NOXRED1: variants seen among roughly 807,000 people sequenced by gnomAD.
NOXRED1 encodes NADP dependent oxidoreductase domain containing 1, also known as NADP-dependent oxidoreductase domain-containing protein 1.
Under a neutral mutation model 30.4 loss-of-function variants are expected in NOXRED1, and 20 were observed. The ratio of observed to expected loss-of-function variants is 0.66; its 90% CI spans 0.46 to 0.96. NOXRED1 has a LOEUF of 0.96. Among genes scored for constraint, NOXRED1 ranks in the 40% least tolerant of loss-of-function variants. NOXRED1 has a pLI of 0.00. For synonymous variants in NOXRED1, 155 were observed against 168.0 expected (o/e 0.92, Z 0.60); for missense variants, 374 against 428.0 (o/e 0.87, Z 1.11).
At chr14:77,408,892 A>ATTTTATTTTTTTTTT (rs1894556436) in intron 2 of NOXRED1, among the ~76,000 whole-genome samples, 1 of 68,154 alleles carries the variant, frequency 1.5e-5, no homozygotes, top group African/African-American at 5.1e-5. Flanking sequence ...CTGGTAGTTA[A>ATTTTATTTTTTTTTT]TTTTTTTTTT....
chr14:77,397,494 C>A lies in NOXRED1; in HGVS notation c.906-2689G>T, dbSNP rs148873715. Reference sequence around the variant, plus strand: ...ATATTGTGCTACAGTTTTGCAATATCTATTTCCATTGATGGAAAATGGGTA... The same window carrying A: ...ATATTGTGCTACAGTTTTGCAATATATATTTCCATTGATGGAAAATGGGTA... On this transcript the variant is annotated intron_variant, in intron 5 of 5. Coordinates refer to ENST00000380835, the MANE Select transcript of NOXRED1 (RefSeq NM_001113475.3). 9.2e-5 allele frequency among the ~76,000 whole-genome samples: 14 copies of A among 152,290 alleles called. 1 individual carries two copies. The East Asian group carries it at 2.7e-3, about 29-fold the overall frequency.
At chr14:77,403,526 T>C (rs1894379985) in intron 5 of NOXRED1, among the ~76,000 whole-genome samples, 1 of 151,768 alleles carries the variant, frequency 6.6e-6, no homozygotes, top group South Asian at 2.1e-4. Flanking sequence ...CGTGGTGGTG[T>C]GTGCCTGTAG....
At chr14:77,404,983 A>G (rs979546241) in intron 5 of NOXRED1, among the ~76,000 whole-genome samples, 15 of 152,232 alleles carry the variant, frequency 9.9e-5, no homozygotes, top group African/African-American at 3.6e-4. Context: ...AACAAGTACC[A>G]CATTTTTTAT....
intron 1 of NOXRED1, among the ~76,000 whole-genome samples, chr14:77,417,162 T>C (rs1594880702): frequency 6.7e-6 from 1 of 150,308 alleles, no homozygotes; most frequent in Admixed American, 6.6e-5. Flanking sequence ...AAAAAGACGG[T>C]TGGTATGATT....
At chr14:77,403,037 GAA>G (rs1057072855) in intron 5 of NOXRED1, among the ~76,000 whole-genome samples, 1 of 142,818 alleles carries the variant, frequency 7.0e-6, no homozygotes, top group South Asian at 2.2e-4. Flanking sequence ...CTCCGTCTCA[GAA>G]AAAAAAAAGA....
Position 77,394,686 on chromosome 14 carries a change from C to A in NOXRED1, c.1025G>T (p.Gly342Val). The A allele has an allele frequency of 6.2e-7, 1 of 1,613,094 alleles. No homozygotes were observed. ...TGGCTGTTCTTTGGTTAGGGAGATG[C>A]CAAATGAAGCACAGTATAGATGGGT... ...HLTHLYCASFGISLTKEQPVI... is the reference protein window; with the variant it reads ...HLTHLYCASFVISLTKEQPVI... Residue 342 changes from glycine to valine, a missense_variant, in exon 6 of 6, where the codon GGC becomes GTC. Coordinates refer to ENST00000380835, the MANE Select transcript of NOXRED1 (RefSeq NM_001113475.3).
intron 5 of NOXRED1, among the ~76,000 whole-genome samples, chr14:77,397,040 C>T (rs1413284126): frequency 6.6e-6 from 1 of 152,240 alleles, no homozygotes; most frequent in Non-Finnish European, 1.5e-5. Context: ...TAATTACACT[C>T]CTGGTCATTC....
chr14:77,398,925 C>T (rs1894252921), intron 5 of NOXRED1, among the ~76,000 whole-genome samples: 1 of 151,674 alleles, frequency 6.6e-6, no homozygotes, highest in Non-Finnish European at 1.5e-5. Flanking sequence ...GCCAAGATCG[C>T]GCTATTGCAC....
chr14:77,394,896 A>C, intron 5 of NOXRED1, 91 bp from the exon 6 acceptor site: 4 of 860,134 alleles, frequency 4.7e-6, no homozygotes, highest in Non-Finnish European at 5.5e-6. Context: ...AGTTTTCCTC[A>C]TTACCTTTTC....
intron 5 of NOXRED1, among the ~76,000 whole-genome samples, chr14:77,395,175 G>C (rs1300291819): frequency 6.9e-6 from 1 of 145,420 alleles, no homozygotes; most frequent in Non-Finnish European, 1.5e-5. Flanking sequence ...GCGCGATCTC[G>C]GCTCACTGCA....
chr14:77,401,464 G>A (rs910009768), intron 5 of NOXRED1, among the ~76,000 whole-genome samples: 4 of 152,212 alleles, frequency 2.6e-5, no homozygotes, highest in Admixed American at 6.5e-5. Context: ...GGGAGGCTGA[G>A]GCAGGAGGAT....
intron 1 of NOXRED1, among the ~76,000 whole-genome samples, chr14:77,414,704 G>A (rs1894765335): frequency 6.6e-6 from 1 of 152,174 alleles, no homozygotes; most frequent in African/African-American, 2.4e-5. Context: ...TTTGTTACAT[G>A]TATTATGCTT....
Position 77,406,814 on chromosome 14 carries a change from A to C in NOXRED1, c.592T>G (p.Ser198Ala). 6.2e-7 allele frequency: 1 copy of C among 1,614,064 alleles called. No individual in the cohort carries two copies. The highest frequency in any genetic ancestry group is 1.1e-5 in the South Asian group (1 of 91,078). The part of the protein sequence containing the change: ...LRPQYQYDED[S>A]VSVWGANKGV... ...TTATTGGCCCCCCAGACGCTGACAG[A>C]ATCTTCATCATACTGATACTGAGGC... Residue 198 changes from serine to alanine, a missense_variant, in exon 4 of 6, where the codon TCT becomes GCT. Coordinates refer to ENST00000380835, the MANE Select transcript of NOXRED1 (RefSeq NM_001113475.3).
chr14:77,418,599 T>C (rs148660643), intron 1 of NOXRED1, among the ~76,000 whole-genome samples: 20 of 152,184 alleles, frequency 1.3e-4, no homozygotes, highest in African/African-American at 4.8e-4. Flanking sequence ...ACATGATCAT[T>C]GCTCACTGCA....
At position 77,422,789 on chromosome 14, in the gene NOXRED1, A is replaced by G. The variant is rs1240356872; in HGVS notation, c.101T>C (p.Met34Thr). The change falls in exon 1 of 6, where the codon ATG (methionine) becomes ACG (threonine). Residue 34 changes from methionine (M) to threonine (T), a missense_variant. Transcript: ENST00000380835. ...GGTTGCATGGGCACAAGCCTCGATCATCAGTCCCCGAGAACGGCCCTGCAA... is the reference window on the plus strand; with the variant it reads ...GGTTGCATGGGCACAAGCCTCGATCGTCAGTCCCCGAGAACGGCCCTGCAA... ...LYLQGRSRGLMIEACAHATFF... is the reference protein window; with the variant it reads ...LYLQGRSRGLTIEACAHATFF... 1.2e-6 allele frequency: 2 copies of G among 1,614,198 alleles called. No individual in the cohort carries two copies. Among genetic ancestry groups the G allele is most frequent in the Non-Finnish European group, 1.7e-6 (2 of 1,180,002 alleles).
upstream of NOXRED1, among the ~76,000 whole-genome samples, chr14:77,424,230 C>T (rs1566716599): frequency 6.6e-6 from 1 of 152,176 alleles, no homozygotes; most frequent in East Asian, 1.9e-4. Context: ...GCAGGCGGAT[C>T]GCTTGAGGTC....
chr14:77,414,613 T>G (rs1894763039), intron 1 of NOXRED1, among the ~76,000 whole-genome samples: 1 of 152,204 alleles, frequency 6.6e-6, no homozygotes, highest in Non-Finnish European at 1.5e-5. Flanking sequence ...AATGAAATGT[T>G]CCTCCTGAGT....
chr14:77,411,964 G>T (rs529445434), intron 2 of NOXRED1, among the ~76,000 whole-genome samples: 4 of 151,856 alleles, frequency 2.6e-5, no homozygotes, highest in Non-Finnish European at 4.4e-5. Context: ...GTGTGGTGGC[G>T]TATGCCTGTA....
At chr14:77,399,714 C>G (rs1036317375) in intron 5 of NOXRED1, among the ~76,000 whole-genome samples, 2 of 151,964 alleles carry the variant, frequency 1.3e-5, no homozygotes, top group African/African-American at 4.8e-5. Context: ...AAATACAGAA[C>G]AAAATATCCA....
Sources: gnomAD v4.1 joint callset for allele counts (sites outside exome capture counted in the v4.1 genomes callset) on GRCh38, gnomAD v4.1.1 for gene constraint, MANE v1.5 for transcripts, NCBI Gene and HGNC (gene_info 2026-07-23, HGNC 2026-07-21) for gene names.